SMG7: variants seen among roughly 807,000 people sequenced by gnomAD.
SMG7 encodes the protein SMG7 nonsense mediated mRNA decay factor.
SMG7 carries 34 observed loss-of-function variants against 148.2 expected under a neutral mutation model. The ratio of observed to expected loss-of-function variants is 0.23; its 90% CI spans 0.17 to 0.31. The LOEUF is 0.31. Among genes scored for constraint, SMG7 ranks in the 10% least tolerant of loss-of-function variants. The pLI is 1.00. For missense variants in SMG7, 1,114 were observed against 1,408.4 expected (o/e 0.79, Z 3.35); for synonymous variants, 492 against 515.1 (o/e 0.96, Z 0.61).
intron 1 of SMG7, among the ~76,000 whole-genome samples, chr1:183,477,395 GTTT>G (rs1553230367): frequency 1.6e-5 from 2 of 128,226 alleles, no homozygotes; most frequent in Non-Finnish European, 3.5e-5. Context: ...TATCTGTTTT[GTTT>G]TGTGTGTGTG....
chr1:183,545,872 A>T (rs1341138245), intron 16 of SMG7, 94 bp from the exon 17 acceptor site: 1 of 1,444,762 alleles, frequency 6.9e-7, no homozygotes, highest in East Asian at 2.3e-5. Context: ...TGTTGGTTGG[A>T]AAACACCCCA....
chr1:183,550,252 T>C (rs1008511268), intron 20 of SMG7, among the ~76,000 whole-genome samples: 4 of 152,184 alleles, frequency 2.6e-5, no homozygotes, highest in East Asian at 1.9e-4. Context: ...ACTTTTTTTT[T>C]TGAGACAGTG....
chr1:183,534,846 CAAA>C (rs879330862), intron 10 of SMG7, among the ~76,000 whole-genome samples: 1 of 134,324 alleles, frequency 7.4e-6, no homozygotes. Flanking sequence ...CAGCCTGTCT[CAAA>C]AAAAAAAAAA....
chr1:183,551,285 G>A, intron 22 of SMG7, 95 bp downstream of exon 22: 2 of 1,219,188 alleles, frequency 1.6e-6, no homozygotes, highest in South Asian at 3.3e-5. Context: ...CAGGCCCTCG[G>A]AGTTGACTGA....
intron 1 of SMG7, among the ~76,000 whole-genome samples, chr1:183,490,906 C>T (rs1656795974): frequency 6.6e-6 from 1 of 152,186 alleles, no homozygotes; most frequent in Non-Finnish European, 1.5e-5. Context: ...CTGCCTCAGC[C>T]TCCTAAGTAG....
rs577461414 is a variant in SMG7, at chr1:183,547,073, G to A, written c.2743-30G>A. On this transcript the variant is annotated intron_variant, in intron 17 of 22. Coordinates refer to ENST00000688051, the MANE Select transcript of SMG7 (RefSeq NM_001375584.1). The stretch of plus-strand genomic sequence containing the variant: ...CTTTATGCTTTTGTTATCCCTTATT[G>A]CTTCTCACTGTGATGCTTTCTGTCA... The A allele has an allele frequency of 1.1e-5, 17 of 1,539,874 alleles. No individual in the cohort carries two copies. In the African/African-American group the frequency reaches 1.7e-4, roughly 15 times the overall value.
intron 1 of SMG7, among the ~76,000 whole-genome samples, chr1:183,475,075 T>A (rs1014854997): frequency 6.6e-5 from 10 of 152,210 alleles, no homozygotes; most frequent in African/African-American, 2.4e-4. Flanking sequence ...TTGAGGCTCA[T>A]ATAGCTGGTA....
In SMG7 at chr1:183,552,389, T is replaced by C; in HGVS notation, c.*458T>C. ...ATGTAGTTGAAATTATTCTTAAACATCTTTTATTATTATTACTCTCAGTAG... is the reference window on the plus strand; with the variant it reads ...ATGTAGTTGAAATTATTCTTAAACACCTTTTATTATTATTACTCTCAGTAG... On this transcript the variant is annotated 3_prime_UTR_variant, in exon 23 of 23. Coordinates refer to ENST00000688051, the MANE Select transcript of SMG7 (RefSeq NM_001375584.1). 5.1e-6 allele frequency: 5 copies of C among 989,556 alleles called. No individual in the cohort carries two copies. The highest frequency in any genetic ancestry group is 6.0e-6 in the Non-Finnish European group (5 of 832,404). 61.3% of individuals were successfully genotyped at this position (989,556 alleles called of 1,614,324 possible). A position where few individuals can be genotyped will look rare whatever the true frequency, so the allele number is the denominator to read the frequency against.
chr1:183,520,285 CAT>C (rs1311897911), intron 4 of SMG7, among the ~76,000 whole-genome samples: 1 of 151,864 alleles, frequency 6.6e-6, no homozygotes, highest in African/African-American at 2.4e-5. Flanking sequence ...AAGTGAAAAT[CAT>C]ATAAAATTAT....
chr1:183,529,138 A>G (rs1479118680), intron 7 of SMG7, 96 bp downstream of exon 7: 3 of 1,174,802 alleles, frequency 2.6e-6, no homozygotes, highest in African/African-American at 1.5e-5. Flanking sequence ...ATAACGGCCT[A>G]TGCTTCTCTT....
At chr1:183,497,632 C>T (rs1004950195) in intron 1 of SMG7, among the ~76,000 whole-genome samples, 18 of 152,044 alleles carry the variant, frequency 1.2e-4, no homozygotes, top group Admixed American at 2.6e-4. Context: ...TGCAGTGGCG[C>T]GATCTTGGCT....
intron 12 of SMG7, 109 bp from the exon 13 acceptor site, chr1:183,540,875 C>A: frequency 1.1e-6 from 1 of 921,012 alleles, no homozygotes; most frequent in South Asian, 1.6e-5. Flanking sequence ...AGTAGCTAAC[C>A]TATGTGGGAA....
At chr1:183,494,849 C>T (rs1658071034) in intron 1 of SMG7, among the ~76,000 whole-genome samples, 1 of 131,892 alleles carries the variant, frequency 7.6e-6, no homozygotes, top group Non-Finnish European at 1.6e-5. Context: ...TCACCACAAC[C>T]TTGGGTGTCT....
At position 183,553,122 on chromosome 1, in the gene SMG7, C is replaced by T. The variant is rs752023449; in HGVS notation, c.*1191C>T. The T allele has an allele frequency of 7.2e-6, 11 of 1,536,230 alleles. No individual in the cohort carries two copies. The South Asian group carries it at 1.2e-4, about 17-fold the overall frequency. ...TCCACTTTCAGAGTGAAATTCAAGGCAGCACGGACATGTGCCCATCAGGCA... is the reference window on the plus strand; with the variant it reads ...TCCACTTTCAGAGTGAAATTCAAGGTAGCACGGACATGTGCCCATCAGGCA... On this transcript the variant is annotated 3_prime_UTR_variant, in exon 23 of 23. Transcript: ENST00000688051.
intron 1 of SMG7, chr1:183,508,195 TTTC>T (rs916255583): frequency 1.5e-4 from 130 of 889,878 alleles, no homozygotes; most frequent in African/African-American, 2.7e-4. Flanking sequence ...ATAGTATTTT[TTTC>T]TTCTTCTTCT....
intron 12 of SMG7, 137 bp from the exon 13 acceptor site, chr1:183,540,847 A>G: frequency 1.7e-6 from 1 of 596,292 alleles, no homozygotes; most frequent in Non-Finnish European, 2.9e-6. Flanking sequence ...ATTCTAATAA[A>G]TGCAGTTGAT....
In SMG7 at chr1:183,549,901, T is replaced by C; in HGVS notation, c.3111T>C (p.Ser1037=). The C allele has an allele frequency of 2.5e-6, 4 of 1,613,806 alleles. No homozygotes were observed. The highest frequency in any genetic ancestry group is 1.1e-5 in the South Asian group (1 of 91,072). Reference sequence around the variant, plus strand: ...CCCTTTTTGAAGGGACTCCGTGGTCTCCATCACTTCCTGCCAGTTCAGGTA... The same window carrying C: ...CCCTTTTTGAAGGGACTCCGTGGTCCCCATCACTTCCTGCCAGTTCAGGTA... ...LYSLFEGTPW[S]PSLPASSDHS... The change falls in exon 20 of 23, where the codon TCT becomes TCC. Residue 1037 remains serine (S), a synonymous_variant. Transcript: ENST00000688051.
chr1:183,521,180 C>G (rs1339529282), intron 4 of SMG7, among the ~76,000 whole-genome samples: 1 of 151,588 alleles, frequency 6.6e-6, no homozygotes, highest in Admixed American at 6.6e-5. Flanking sequence ...CTCACTGCAA[C>G]CTCCGCCTCC....
Position 183,516,004 on chromosome 1 carries a change from T to A in SMG7, c.179+13T>A. On this transcript the variant is annotated intron_variant, in intron 3 of 22. Coordinates refer to ENST00000688051, the MANE Select transcript of SMG7 (RefSeq NM_001375584.1). ...TAGAACAGGATCTGTAAGTATTACC[T>A]ATCATTTGAGAAGTCCCTGTAAGAT... 1 of 1,490,328 alleles carries A rather than the reference T, an allele frequency of 6.7e-7. No individual in the cohort carries two copies. The highest frequency in any genetic ancestry group is 1.1e-5 in the South Asian group (1 of 87,432). The allele number at this position is 1,490,328 out of a possible 1,614,324, so 92.3% of individuals were successfully genotyped here.
Sources: gnomAD v4.1 joint callset for allele counts (sites outside exome capture counted in the v4.1 genomes callset) on GRCh38, gnomAD v4.1.1 for gene constraint, MANE v1.5 for transcripts, NCBI Gene and HGNC (gene_info 2026-07-23, HGNC 2026-07-21) for gene names.